POC1B: variants seen among roughly 807,000 people sequenced by gnomAD.
The protein encoded by POC1B is POC1 centriolar protein homolog B.
In POC1B, 44 loss-of-function variants were observed where a neutral mutation model predicts 60.6. That is an observed-to-expected ratio of 0.73 (90% CI 0.57 to 0.93). The LOEUF (loss-of-function observed/expected upper bound fraction) is 0.93. POC1B is among the 40% of genes least tolerant of loss of function. The pLI, the probability that POC1B is intolerant of heterozygous loss-of-function variation, is 0.00. For missense variants in POC1B, 555 were observed against 572.3 expected (o/e 0.97, Z 0.31); for synonymous variants, 180 against 198.9 (o/e 0.90, Z 0.80).
intron 4 of POC1B, 120 bp from the exon 5 acceptor site, chr12:89,472,395 C>A: frequency 1.5e-6 from 1 of 652,818 alleles, no homozygotes. Context: ...CTGTTACCAT[C>A]CCATGCAGTA....
chr12:89,489,929 G>C (rs1868863400), intron 4 of POC1B, among the ~76,000 whole-genome samples: 1 of 152,210 alleles, frequency 6.6e-6, no homozygotes, highest in Admixed American at 6.5e-5. Context: ...ATGGGCACAG[G>C]CTCCAGGATA....
At chr12:89,464,169 C>A (rs923314045) in intron 9 of POC1B, among the ~76,000 whole-genome samples, 2 of 152,074 alleles carry the variant, frequency 1.3e-5, no homozygotes, top group Non-Finnish European at 2.9e-5. Flanking sequence ...AAAAAGATTT[C>A]TTAGTTTTAA....
chr12:89,410,195 T>G, the POC1B span, among the ~76,000 whole-genome samples: 3 of 152,048 alleles, frequency 2.0e-5, no homozygotes, highest in South Asian at 6.2e-4. Context: ...ACAGAACCAG[T>G]GACAAAAACC....
At chr12:89,499,008 G>A (rs1869400134) in intron 2 of POC1B, among the ~76,000 whole-genome samples, 1 of 152,086 alleles carries the variant, frequency 6.6e-6, no homozygotes, top group Non-Finnish European at 1.5e-5. Context: ...GAGTGAAATA[G>A]GGAGCGATCC....
At chr12:89,501,220 T>C in intron 2 of POC1B, 4 of 1,395,988 alleles carry the variant, frequency 2.9e-6, no homozygotes, top group Non-Finnish European at 4.1e-6. Context: ...AGTAGAGACA[T>C]CTCAGCCCTC....
At chr12:89,409,596 G>C in the POC1B span, among the ~76,000 whole-genome samples, 1 of 152,108 alleles carries the variant, frequency 6.6e-6, no homozygotes, top group Non-Finnish European at 1.5e-5. Context: ...GAATCAAATA[G>C]ACACAATAAA....
chr12:89,512,580 G>A (rs570513514), intron 2 of POC1B, among the ~76,000 whole-genome samples: 2 of 152,168 alleles, frequency 1.3e-5, no homozygotes, highest in East Asian at 1.9e-4. Context: ...GCAATATAGC[G>A]AGGCTCTCTA....
chr12:89,501,697 G>T (rs1377122896), intron 2 of POC1B: 18 of 978,728 alleles, frequency 1.8e-5, no homozygotes, highest in Non-Finnish European at 2.8e-5. Context: ...TAATTGGTGG[G>T]TGGTAAAATC....
chr12:89,469,445 G>A (rs1475253277), intron 7 of POC1B, among the ~76,000 whole-genome samples: 1 of 152,126 alleles, frequency 6.6e-6, no homozygotes, highest in Non-Finnish European at 1.5e-5. Context: ...TGTAAAAAGA[G>A]AATGTGGCTT....
chr12:89,518,293 C>A (rs970603452), intron 2 of POC1B, among the ~76,000 whole-genome samples: 3 of 152,148 alleles, frequency 2.0e-5, no homozygotes, highest in Admixed American at 6.5e-5. Context: ...CCAAGCCCCA[C>A]CTAATACTAA....
intron 10 of POC1B, among the ~76,000 whole-genome samples, chr12:89,432,758 G>A (rs1398712839): frequency 1.3e-5 from 2 of 152,214 alleles, no homozygotes; most frequent in Non-Finnish European, 2.9e-5. Flanking sequence ...AGACTTTCAA[G>A]GGGAACAGTC....
In POC1B at chr12:89,476,302, G is replaced by A. The variant is rs1373573007; in HGVS notation, c.453-4027C>T. ...ATATAACAGGAGTCTTTTTAACTTGGAATCTACAGAGTTCCTGTAATTGTA... is the reference window on the plus strand; with the variant it reads ...ATATAACAGGAGTCTTTTTAACTTGAAATCTACAGAGTTCCTGTAATTGTA... On this transcript the variant is annotated intron_variant, in intron 4 of 11. Coordinates refer to ENST00000313546, the MANE Select transcript of POC1B (RefSeq NM_172240.3). Among the ~76,000 whole-genome samples the A allele has an allele frequency of 2.0e-5, 3 of 152,022 alleles. No individual in the cohort carries two copies. In the South Asian group the frequency reaches 6.2e-4, roughly 32 times the overall value.
intron 2 of POC1B, chr12:89,502,035 T>C (rs980109179): frequency 2.5e-5 from 25 of 988,034 alleles, no homozygotes; most frequent in Admixed American, 5.1e-5. Context: ...AGAATGAAGA[T>C]AATATTATGA....
chr12:89,403,253 C>G, the POC1B span, among the ~76,000 whole-genome samples: 1 of 152,084 alleles, frequency 6.6e-6, no homozygotes, highest in Non-Finnish European at 1.5e-5. Context: ...AGTGTCTGCT[C>G]GCCTTGGCCT....
intron 4 of POC1B, among the ~76,000 whole-genome samples, chr12:89,485,609 G>T (rs1868591691): frequency 6.6e-6 from 1 of 152,016 alleles, no homozygotes; most frequent in Non-Finnish European, 1.5e-5. Context: ...GTCCATGAAG[G>T]CCAGGTGTGC....
chr12:89,445,101 A>C (rs1401916030), intron 10 of POC1B, among the ~76,000 whole-genome samples: 1 of 152,212 alleles, frequency 6.6e-6, no homozygotes. Flanking sequence ...TCAACAAAAT[A>C]AAAGAGGCCA....
intron 10 of POC1B, among the ~76,000 whole-genome samples, chr12:89,453,469 A>G (rs1162249381): frequency 6.6e-6 from 1 of 152,182 alleles, no homozygotes; most frequent in Non-Finnish European, 1.5e-5. Context: ...CATACCGCAG[A>G]GCCACTAAAC....
intron 4 of POC1B, among the ~76,000 whole-genome samples, chr12:89,476,751 TAGATAGATAGACAGACAGAC>T (rs1291064950): frequency 1.3e-4 from 14 of 105,026 alleles, no homozygotes; most frequent in African/African-American, 4.5e-4. Context: ...GATAGATAGA[TAGATAGATAGACAGACAGAC>T]AGACAGACAC....
chr12:89,461,753 T>G (rs1882494905), intron 9 of POC1B: 1 of 152,174 alleles, frequency 6.6e-6, no homozygotes, highest in South Asian at 2.1e-4. Context: ...ATGGTAAGGA[T>G]GAGGGGCAAT....
Sources: gnomAD v4.1 joint callset for allele counts (sites outside exome capture counted in the v4.1 genomes callset) on GRCh38, gnomAD v4.1.1 for gene constraint, MANE v1.5 for transcripts, NCBI Gene and HGNC (gene_info 2026-07-23, HGNC 2026-07-21) for gene names.